The following RAB40A variants were observed in gnomAD, a reference collection of about 807,000 sequenced individuals.
The protein encoded by RAB40A is RAB40A, member RAS oncogene family.
For synonymous variants in RAB40A, 65 were observed against 99.9 expected, an observed-to-expected ratio of 0.65 and a Z score of 2.08; for missense variants, 145 against 230.2, an observed-to-expected ratio of 0.63 and a Z score of 2.40.
At chrX:103,508,808 G>C (rs572977881) in intron 2 of RAB40A, among the ~76,000 whole-genome samples, 1 of 111,898 alleles carries the variant, frequency 8.9e-6, no homozygotes, top group Non-Finnish European at 1.9e-5. Context: ...ATGCCAGATC[G>C]CATCCGGGAC....
chrX:103,512,919 T>C (rs900276185), intron 2 of RAB40A, among the ~76,000 whole-genome samples: 4 of 111,356 alleles, frequency 3.6e-5, no homozygotes, highest in African/African-American at 9.8e-5. Flanking sequence ...GTTTTGGAAG[T>C]GAAAAAAACA....
chrX:103,506,973 T>C (rs2073257807), intron 2 of RAB40A, among the ~76,000 whole-genome samples: 2 of 111,842 alleles, frequency 1.8e-5, no homozygotes, highest in Admixed American at 1.9e-4. Flanking sequence ...GTTTGTTACA[T>C]AGGTATACGT....
downstream of RAB40A, among the ~76,000 whole-genome samples, chrX:103,496,831 A>G (rs1229757589): frequency 8.9e-6 from 1 of 112,504 alleles, no homozygotes; most frequent in African/African-American, 3.2e-5. Context: ...TAGCATTGCA[A>G]TATAATCTTT....
intron 2 of RAB40A, among the ~76,000 whole-genome samples, chrX:103,510,932 T>C (rs142382786): frequency 0.019 from 2,143 of 112,001 alleles, 53 homozygotes; most frequent in African/African-American, 0.065. Flanking sequence ...CTGATAATTA[T>C]CAATTTTAAT....
intron 2 of RAB40A, among the ~76,000 whole-genome samples, chrX:103,511,928 A>G (rs768422014): frequency 2.1e-4 from 23 of 111,815 alleles, no homozygotes; most frequent in Middle Eastern, 9.4e-3. Flanking sequence ...TTGTGGTCGT[A>G]TAAGATAATG....
At chrX:103,509,036 C>T (rs2073272184) in intron 2 of RAB40A, among the ~76,000 whole-genome samples, 1 of 111,970 alleles carries the variant, frequency 8.9e-6, no homozygotes, top group South Asian at 3.7e-4. Flanking sequence ...CTGTAACACA[C>T]GATTGTCCAC....
chrX:103,502,131 A>ACC (rs1450923304), intron 2 of RAB40A: 11 of 123,571 alleles, frequency 8.9e-5, no homozygotes, highest in African/African-American at 3.6e-4. Context: ...GCATTGCTGA[A>ACC]ATCTTTTTAA....
At chrX:103,514,871 A>G (rs1019012489) in intron 2 of RAB40A, among the ~76,000 whole-genome samples, 6 of 112,010 alleles carry the variant, frequency 5.4e-5, no homozygotes, top group African/African-American at 1.9e-4. Context: ...AAGTAATCCT[A>G]TTACTCATTA....
At chrX:103,516,156 T>G (rs2073315637) in intron 2 of RAB40A, among the ~76,000 whole-genome samples, 1 of 112,163 alleles carries the variant, frequency 8.9e-6, no homozygotes, top group African/African-American at 3.2e-5. Flanking sequence ...TTCATAGTTC[T>G]CTCTGTTTTT....
At chrX:103,516,612 T>C (rs1001021319) in intron 2 of RAB40A, among the ~76,000 whole-genome samples, 1 of 111,467 alleles carries the variant, frequency 9.0e-6, no homozygotes, top group Non-Finnish European at 1.9e-5. Context: ...GTATGTACAA[T>C]CCATACTCTC....
At chrX:103,504,221 G>A (rs2073243040) in intron 2 of RAB40A, among the ~76,000 whole-genome samples, 1 of 110,814 alleles carries the variant, frequency 9.0e-6, no homozygotes, top group Middle Eastern at 4.2e-3. Flanking sequence ...AAAACTATTG[G>A]GTACTATGCT....
intron 2 of RAB40A, among the ~76,000 whole-genome samples, chrX:103,509,317 C>G (rs866799179): frequency 1.0e-5 from 1 of 99,719 alleles, no homozygotes; most frequent in Non-Finnish European, 2.0e-5. Context: ...CTCTCTCTCT[C>G]TCTGTCTCTC....
In RAB40A at chrX:103,499,813, G is replaced by T. The variant is rs2073211277; in HGVS notation, c.*110C>A. 3.2e-6 allele frequency: 3 copies of T among 933,338 alleles called. No homozygotes were observed. The highest frequency in any genetic ancestry group is 4.6e-6 in the Non-Finnish European group (3 of 651,760). The allele number at this position is 933,338 out of a possible 1,213,427, so 76.9% of individuals were successfully genotyped here. Reference sequence around the variant, plus strand: ...CACATTCCCAAGCAGCATGGTTCCCGTGAGAAACTGAAAACTAATTTCTTG... The same window carrying T: ...CACATTCCCAAGCAGCATGGTTCCCTTGAGAAACTGAAAACTAATTTCTTG... On this transcript the variant is annotated 3_prime_UTR_variant, in exon 3 of 3. Transcript: ENST00000304236.
At chrX:103,504,536 A>G (rs2073244907) in intron 2 of RAB40A, among the ~76,000 whole-genome samples, 1 of 110,834 alleles carries the variant, frequency 9.0e-6, no homozygotes, top group Non-Finnish European at 1.9e-5. Context: ...ATTTTATTTT[A>G]TTTTTTGGAC....
At position 103,517,521 on chromosome X, in the gene RAB40A, T is replaced by A. The variant is rs925324343; in HGVS notation, c.-218A>T. ...CTCAATAAGAACTCCTTCACCCACG[T>A]CACACTAGAAAGAAAATAAGAGAGC... On this transcript the variant is annotated 5_prime_UTR_variant, in exon 2 of 3. The change abolishes the stop of an existing upstream ORF in the 5' untranslated region. Transcript: ENST00000304236. The A allele has an allele frequency of 9.0e-6, 1 of 111,577 alleles. No individual in the cohort carries two copies. Among genetic ancestry groups the A allele is most frequent in the Non-Finnish European group, 1.9e-5 (1 of 53,082 alleles). The allele number at this position is 111,577 out of a possible 1,213,427, so 9.2% of individuals were successfully genotyped here.
intron 2 of RAB40A, among the ~76,000 whole-genome samples, chrX:103,511,515 A>AG (rs2073289911): frequency 9.1e-6 from 1 of 110,314 alleles, no homozygotes; most frequent in African/African-American, 3.3e-5. Context: ...AAAAAAAGAA[A>AG]AAAAAAAAAG....
At chrX:103,512,519 G>A (rs2073296245) in intron 2 of RAB40A, among the ~76,000 whole-genome samples, 1 of 111,475 alleles carries the variant, frequency 9.0e-6, no homozygotes, top group Admixed American at 9.5e-5. Context: ...TGGTGGTGAG[G>A]ATTAAATGAA....
intron 2 of RAB40A, among the ~76,000 whole-genome samples, chrX:103,516,549 CAAT>C (rs2073317604): frequency 9.0e-6 from 1 of 111,213 alleles, no homozygotes. Context: ...TTTCAACTTA[CAAT>C]GAGTTTATCA....
rs1047922957 is a variant in RAB40A, at chrX:103,500,895, G to A, written c.-70-69C>T. 8 of 1,048,003 alleles carry A rather than the reference G, an allele frequency of 7.6e-6. No individual in the cohort carries two copies. In the African/African-American group the frequency reaches 7.6e-5, roughly 10 times the overall value. The allele number at this position is 1,048,003 out of a possible 1,213,427, so 86.4% of individuals were successfully genotyped here. On this transcript the variant is annotated intron_variant, in intron 2 of 2. Coordinates refer to ENST00000304236, the MANE Select transcript of RAB40A (RefSeq NM_080879.3). ...AGTCTGTGAAATAAAGCGAAATGAGGTGGTGGCTTTGATGGATTTCTTTTA... is the reference window on the plus strand; with the variant it reads ...AGTCTGTGAAATAAAGCGAAATGAGATGGTGGCTTTGATGGATTTCTTTTA...
Sources: gnomAD v4.1 joint callset for allele counts (sites outside exome capture counted in the v4.1 genomes callset) on GRCh38, gnomAD v4.1.1 for gene constraint, MANE v1.5 for transcripts, NCBI Gene and HGNC (gene_info 2026-07-23, HGNC 2026-07-21) for gene names.